The following CEP85L variants were observed in gnomAD, a reference collection of about 807,000 sequenced individuals.
The protein encoded by CEP85L is centrosomal protein of 85 kDa-like.
Under a neutral mutation model 100.3 loss-of-function variants are expected in CEP85L, and 60 were observed. That is an observed-to-expected ratio of 0.60 (90% CI 0.49 to 0.74). The LOEUF (loss-of-function observed/expected upper bound fraction) is 0.74, where lower values mean the gene tolerates loss of function less well. CEP85L is among the 30% of genes least tolerant of loss of function. CEP85L has a pLI of 0.00. For missense variants in CEP85L, 973 were observed against 936.2 expected (o/e 1.04, Z -0.51); for synonymous variants, 319 against 322.7 (o/e 0.99, Z 0.12).
At chr6:118,532,274 C>T (rs921446431) in intron 3 of CEP85L, among the ~76,000 whole-genome samples, 5 of 151,994 alleles carry the variant, frequency 3.3e-5, no homozygotes, top group Non-Finnish European at 5.9e-5. Context: ...CAAAATACCA[C>T]GTTTTCACTT....
intron 12 of CEP85L, among the ~76,000 whole-genome samples, chr6:118,466,452 A>T (rs757280748): frequency 3.9e-5 from 6 of 152,186 alleles, no homozygotes; most frequent in Non-Finnish European, 5.9e-5. Context: ...AAATGAACAC[A>T]GTGAGGTACT....
chr6:118,510,468 T>C (rs1775903416), intron 5 of CEP85L, among the ~76,000 whole-genome samples: 1 of 151,916 alleles, frequency 6.6e-6, no homozygotes, highest in Non-Finnish European at 1.5e-5. Context: ...AAAAGAAATA[T>C]AACATCACTC....
At chr6:118,502,897 AC>A in intron 5 of CEP85L, 1 of 515,430 alleles carries the variant, frequency 1.9e-6, no homozygotes, top group South Asian at 2.1e-5. Context: ...ATCTTGAAGA[AC>A]CTAAAAAGAC....
intron 6 of CEP85L, among the ~76,000 whole-genome samples, chr6:118,490,621 C>CA (rs1774491886): frequency 6.6e-6 from 1 of 152,098 alleles, no homozygotes; most frequent in African/African-American, 2.4e-5. Context: ...TGAAGACACA[C>CA]ATAGACAAAA....
At chr6:118,599,650 A>G (rs1392622363) in intron 2 of CEP85L, among the ~76,000 whole-genome samples, 2 of 152,218 alleles carry the variant, frequency 1.3e-5, no homozygotes, top group African/African-American at 4.8e-5. Context: ...TGTTTTATAG[A>G]AGAGAAACCT....
chr6:118,568,429 C>T (rs902635137), intron 2 of CEP85L, among the ~76,000 whole-genome samples: 10 of 152,098 alleles, frequency 6.6e-5, no homozygotes, highest in African/African-American at 1.2e-4. Context: ...ATCATGAAGC[C>T]AAAAGAATGT....
chr6:118,694,047 C>A (rs956643644), intron 1 of CEP85L, among the ~76,000 whole-genome samples: 2 of 152,254 alleles, frequency 1.3e-5, no homozygotes, highest in Non-Finnish European at 1.5e-5. Flanking sequence ...GGGAAAAAAA[C>A]CCATAAAAAC....
chr6:118,702,995 C>CAA (rs34426942), intron 1 of CEP85L, among the ~76,000 whole-genome samples: 2,618 of 93,528 alleles, frequency 0.028, 53 homozygotes, highest in Middle Eastern at 0.06. Context: ...GACTCTGTCT[C>CAA]AAAAAAAAAA....
At chr6:118,524,337 G>A (rs970499027) in intron 3 of CEP85L, among the ~76,000 whole-genome samples, 1 of 152,086 alleles carries the variant, frequency 6.6e-6, no homozygotes, top group Non-Finnish European at 1.5e-5. Context: ...CCAGCTACTC[G>A]GGAGGCTGAG....
chr6:118,624,784 G>A (rs76061546), intron 2 of CEP85L, among the ~76,000 whole-genome samples: 2 of 152,188 alleles, frequency 1.3e-5, no homozygotes, highest in South Asian at 4.1e-4. Flanking sequence ...ACTGATGAGA[G>A]AGGTGTCCAG....
chr6:118,505,474 T>C (rs959426029), intron 5 of CEP85L, among the ~76,000 whole-genome samples: 3 of 134,728 alleles, frequency 2.2e-5, no homozygotes, highest in East Asian at 4.2e-4. Flanking sequence ...TACAAATATA[T>C]GCATTCCTGG....
At chr6:118,526,340 CAACA>C (rs1213641914) in intron 3 of CEP85L, among the ~76,000 whole-genome samples, 1 of 152,158 alleles carries the variant, frequency 6.6e-6, no homozygotes, top group Non-Finnish European at 1.5e-5. Flanking sequence ...CCCCATGATC[CAACA>C]AATAACACAG....
chr6:118,663,168 T>C (rs1262579930), intron 1 of CEP85L, among the ~76,000 whole-genome samples: 4 of 152,218 alleles, frequency 2.6e-5, no homozygotes, highest in African/African-American at 4.8e-5. Context: ...ATAGTATAAA[T>C]GGGACCAACT....
intron 1 of CEP85L, among the ~76,000 whole-genome samples, chr6:118,637,460 G>A (rs928867041): frequency 5.9e-5 from 9 of 151,936 alleles, no homozygotes; most frequent in African/African-American, 2.2e-4. Flanking sequence ...CACTTTGGGA[G>A]GCCAACGCTG....
chr6:118,692,111 C>G (rs1037932541), intron 1 of CEP85L, among the ~76,000 whole-genome samples: 2 of 152,100 alleles, frequency 1.3e-5, no homozygotes, highest in African/African-American at 4.8e-5. Flanking sequence ...CCATCCCTTT[C>G]TGGGTCTTAA....
chr6:118,695,083 C>G (rs979369423), intron 1 of CEP85L, among the ~76,000 whole-genome samples: 1 of 152,262 alleles, frequency 6.6e-6, no homozygotes, highest in Admixed American at 6.5e-5. Flanking sequence ...GAAGCAACAC[C>G]ATTTACTCTC....
At chr6:118,664,223 G>A (rs895104233) in intron 1 of CEP85L, among the ~76,000 whole-genome samples, 5 of 152,102 alleles carry the variant, frequency 3.3e-5, no homozygotes, top group African/African-American at 1.2e-4. Context: ...ATCAGCCACT[G>A]GTTGAATTCA....
At chr6:118,612,498 CA>C (rs71012395) in intron 2 of CEP85L, among the ~76,000 whole-genome samples, 255 of 135,748 alleles carry the variant, frequency 1.9e-3, no homozygotes, top group Non-Finnish European at 1.7e-3. Context: ...ACTAAAAATA[CA>C]AAAAAAAAAA....
upstream of CEP85L, chr6:118,651,713 CG>C (rs1775580092): frequency 7.5e-6 from 2 of 266,466 alleles, no homozygotes; most frequent in Non-Finnish European, 8.7e-6. Flanking sequence ...GCGGGGACTG[CG>C]GGGGGCGGGT....
Sources: allele counts gnomAD v4.1 joint callset (sites outside exome capture counted in the v4.1 genomes callset), GRCh38; gene constraint gnomAD v4.1.1; transcripts MANE v1.5; gene names NCBI Gene and HGNC (gene_info 2026-07-23, HGNC 2026-07-21).